MDGA2: variants seen among roughly 807,000 people sequenced by gnomAD.
MDGA2 encodes the protein MAM domain containing glycosylphosphatidylinositol anchor 2.
A neutral mutation model predicts 117.8 loss-of-function variants in MDGA2; 40 were observed. The ratio of observed to expected loss-of-function variants is 0.34; its 90% CI spans 0.26 to 0.44. MDGA2 has a LOEUF of 0.44. Among genes scored for constraint, MDGA2 ranks in the 20% least tolerant of loss-of-function variants. The pLI is 1.00. For missense variants in MDGA2, 1,123 were observed against 1,250.6 expected (o/e 0.90, Z 1.54); for synonymous variants, 452 against 439.0 (o/e 1.03, Z -0.37).
chr14:47,571,066 A>G (rs1840966171), intron 1 of MDGA2, among the ~76,000 whole-genome samples: 1 of 152,202 alleles, frequency 6.6e-6, no homozygotes. Flanking sequence ...CAAGAAAAAA[A>G]CAAACAACCC....
At chr14:47,008,566 C>A (rs1299177594) in intron 8 of MDGA2, among the ~76,000 whole-genome samples, 1 of 151,742 alleles carries the variant, frequency 6.6e-6, no homozygotes, top group Non-Finnish European at 1.5e-5. Context: ...TATTTAAATC[C>A]TTTATGGGAT....
At chr14:46,936,265 A>G (rs1884777845) in intron 9 of MDGA2, among the ~76,000 whole-genome samples, 2 of 151,922 alleles carry the variant, frequency 1.3e-5, no homozygotes, top group African/African-American at 2.4e-5. Flanking sequence ...AACCAGAAGC[A>G]AAGGGACAAT....
intron 9 of MDGA2, among the ~76,000 whole-genome samples, chr14:46,928,111 AAAAT>A (rs1224482824): frequency 6.6e-6 from 1 of 152,180 alleles, no homozygotes. Context: ...ATCTGCTGAA[AAAAT>A]AAATGTCTCA....
chr14:47,588,237 GATAT>G (rs536923185), intron 1 of MDGA2, among the ~76,000 whole-genome samples: 3,043 of 123,860 alleles, frequency 0.025, 93 homozygotes, highest in African/African-American at 0.048. Context: ...GAGATAGATA[GATAT>G]ATATATATAT....
intron 8 of MDGA2, among the ~76,000 whole-genome samples, chr14:46,987,531 G>A (rs534171640): frequency 6.6e-6 from 1 of 152,068 alleles, no homozygotes; most frequent in Non-Finnish European, 1.5e-5. Context: ...GTCAGATGCA[G>A]CCACGCGTCA....
At chr14:47,648,487 T>C (rs1170629031) in intron 1 of MDGA2, among the ~76,000 whole-genome samples, 2 of 152,102 alleles carry the variant, frequency 1.3e-5, no homozygotes, top group African/African-American at 4.8e-5. Context: ...GCCTGCTATA[T>C]ACATAATGTC....
At chr14:47,375,846 A>G (rs1891465427) in intron 1 of MDGA2, among the ~76,000 whole-genome samples, 3 of 152,152 alleles carry the variant, frequency 2.0e-5, no homozygotes, top group Admixed American at 2.0e-4. Context: ...GTACAACATA[A>G]GTAAAGTTAT....
intron 14 of MDGA2, among the ~76,000 whole-genome samples, chr14:46,860,347 A>T (rs1218425142): frequency 6.6e-6 from 1 of 152,010 alleles, no homozygotes; most frequent in East Asian, 1.9e-4. Context: ...TCCTCTATTG[A>T]TGTGTTAGGT....
At position 46,860,192 on chromosome 14, in the gene MDGA2, A is replaced by G. The variant is rs578126711; in HGVS notation, c.2753-5038T>C. Among the ~76,000 whole-genome samples, 25 of 152,172 alleles carry G rather than the reference A, an allele frequency of 1.6e-4. 1 individual carries two copies. The highest frequency in any genetic ancestry group is 6.0e-4 in the African/African-American group (25 of 41,566). ...TCATCTCTAAATCTCTCATTCCCTC[A>G]ACTTCTTCATCAGGCAAATGGTAAC... On this transcript the variant is annotated intron_variant, in intron 14 of 16. Transcript: ENST00000399232.
intron 1 of MDGA2, among the ~76,000 whole-genome samples, chr14:47,359,609 A>G (rs1286804396): frequency 6.6e-6 from 1 of 151,010 alleles, no homozygotes; most frequent in East Asian, 2.0e-4. Context: ...GAATTTAAGA[A>G]CTTTATCTTT....
intron 1 of MDGA2, among the ~76,000 whole-genome samples, chr14:47,393,235 C>T (rs1032097265): frequency 2.0e-5 from 3 of 151,522 alleles, no homozygotes; most frequent in Non-Finnish European, 2.9e-5. Context: ...GAATCTAAAG[C>T]GTTCATTTCT....
chr14:47,540,783 T>A (rs548344387), intron 1 of MDGA2, among the ~76,000 whole-genome samples: 1 of 151,962 alleles, frequency 6.6e-6, no homozygotes, highest in African/African-American at 2.4e-5. Flanking sequence ...CAGGTTGGTC[T>A]TGAACTCCTG....
At chr14:47,214,266 G>A (rs1442406469) in intron 3 of MDGA2, among the ~76,000 whole-genome samples, 1 of 152,096 alleles carries the variant, frequency 6.6e-6, no homozygotes, top group African/African-American at 2.4e-5. Context: ...TAATTGGTTA[G>A]CTTTTGATCA....
intron 1 of MDGA2, among the ~76,000 whole-genome samples, chr14:47,333,257 C>A (rs1890344227): frequency 6.6e-6 from 1 of 151,962 alleles, no homozygotes; most frequent in Non-Finnish European, 1.5e-5. Context: ...ACATTTCCCA[C>A]CAACAATGTA....
chr14:47,521,010 C>A (rs1211015214), intron 1 of MDGA2, among the ~76,000 whole-genome samples: 2 of 152,110 alleles, frequency 1.3e-5, no homozygotes, highest in Non-Finnish European at 2.9e-5. Context: ...GATATTTTGT[C>A]ATTGATTTAA....
intron 1 of MDGA2, among the ~76,000 whole-genome samples, chr14:47,659,411 G>A (rs575169298): frequency 1.4e-4 from 22 of 152,264 alleles, no homozygotes; most frequent in South Asian, 1.2e-3. Flanking sequence ...TAGTTAAGCC[G>A]CTAAAAATAT....
chr14:47,673,505 T>C (rs901463480), intron 1 of MDGA2, among the ~76,000 whole-genome samples: 2 of 152,120 alleles, frequency 1.3e-5, no homozygotes, highest in Admixed American at 6.5e-5. Context: ...CTTGGCTTGA[T>C]GTCCCCTCAA....
chr14:47,200,758 G>T, intron 3 of MDGA2: 1 of 857,102 alleles, frequency 1.2e-6, no homozygotes, highest in Non-Finnish European at 1.9e-6. Flanking sequence ...AGCCAACCTC[G>T]TGAGCCAGGC....
intron 3 of MDGA2, among the ~76,000 whole-genome samples, chr14:47,188,600 T>C (rs1277804766): frequency 6.6e-6 from 1 of 152,186 alleles, no homozygotes; most frequent in Non-Finnish European, 1.5e-5. Context: ...ATAATAAATG[T>C]TGGTTATTTT....
Sources: gnomAD v4.1 joint callset for allele counts (sites outside exome capture counted in the v4.1 genomes callset) on GRCh38, gnomAD v4.1.1 for gene constraint, MANE v1.5 for transcripts, NCBI Gene and HGNC (gene_info 2026-07-23, HGNC 2026-07-21) for gene names.